Variants in FHL2 observed in about 807,000 individuals in gnomAD.
FHL2 encodes four and a half LIM domains protein 2.
FHL2 carries 20 observed loss-of-function variants against 32.7 expected under a neutral mutation model. The observed-to-expected ratio is 0.61, with a 90% CI of 0.43 to 0.89. The LOEUF (loss-of-function observed/expected upper bound fraction) is 0.89. Among genes scored for constraint, FHL2 ranks in the 40% least tolerant of loss-of-function variants. FHL2 has a pLI of 0.00. For missense variants in FHL2, 311 were observed against 358.6 expected (o/e 0.87, Z 1.07); for synonymous variants, 123 against 128.1 (o/e 0.96, Z 0.27).
intron 3 of FHL2, among the ~76,000 whole-genome samples, chr2:105,383,597 C>T (rs1010209570): frequency 5.9e-5 from 9 of 152,146 alleles, no homozygotes; most frequent in Admixed American, 4.6e-4. Flanking sequence ...TGAACATGTC[C>T]TTTAGAGGGA....
chr2:105,365,506 C>T (rs1466544354), intron 5 of FHL2, among the ~76,000 whole-genome samples: 1 of 151,972 alleles, frequency 6.6e-6, no homozygotes, highest in Non-Finnish European at 1.5e-5. Flanking sequence ...GATGAACTTC[C>T]GTTAGGTCTT....
At chr2:105,389,546 G>T (rs1176176805) in intron 2 of FHL2, among the ~76,000 whole-genome samples, 8 of 152,196 alleles carry the variant, frequency 5.3e-5, no homozygotes, top group Non-Finnish European at 7.3e-5. Context: ...ACTATAAATT[G>T]CGGAATTGTA....
At chr2:105,399,875 A>G (rs1022124722), upstream of FHL2, among the ~76,000 whole-genome samples, 5 of 152,186 alleles carry the variant, frequency 3.3e-5, no homozygotes, top group Non-Finnish European at 7.4e-5. Context: ...GAGTAGGTGG[A>G]CCACAAAGGC....
At chr2:105,406,454 T>C (rs1192413362) in intron 1 of FHL2, among the ~76,000 whole-genome samples, 1 of 79,088 alleles carries the variant, frequency 1.3e-5, no homozygotes, top group Non-Finnish European at 2.6e-5. Context: ...CTTTTTCTTA[T>C]CTTTTTTTTT....
intron 2 of FHL2, among the ~76,000 whole-genome samples, chr2:105,386,756 CTTTTTTTTTTTTT>C (rs11380471): frequency 2.0e-5 from 1 of 48,924 alleles, no homozygotes; most frequent in Non-Finnish European, 3.6e-5. Flanking sequence ...ATGCATTCCA[CTTTTTTTTTTTTT>C]TTTTTTTTTT....
chr2:105,372,584 T>C (rs1449949863), intron 4 of FHL2, among the ~76,000 whole-genome samples: 1 of 152,070 alleles, frequency 6.6e-6, no homozygotes, highest in Non-Finnish European at 1.5e-5. Flanking sequence ...TTCTTTATTA[T>C]CAAAAACAAA....
chr2:105,427,109 C>A (rs922155575), intron 1 of FHL2, among the ~76,000 whole-genome samples: 1 of 152,100 alleles, frequency 6.6e-6, no homozygotes, highest in Non-Finnish European at 1.5e-5. Flanking sequence ...AAAAAGAAAA[C>A]CTGCAAAGAT....
chr2:105,373,900 A>G (rs1404878309), intron 3 of FHL2, among the ~76,000 whole-genome samples, 167 bp from the exon 4 acceptor site: 2 of 152,250 alleles, frequency 1.3e-5, no homozygotes, highest in Non-Finnish European at 2.9e-5. Flanking sequence ...GCTGAAATCA[A>G]TTAAGACTAG....
intron 1 of FHL2, among the ~76,000 whole-genome samples, chr2:105,408,717 G>A (rs191167505): frequency 1.8e-4 from 27 of 152,254 alleles, no homozygotes; most frequent in East Asian, 1.5e-3. Flanking sequence ...GCAATCTTTC[G>A]TCATCACTAC....
chr2:105,423,862 T>C (rs1268073350), intron 1 of FHL2, among the ~76,000 whole-genome samples: 1 of 152,154 alleles, frequency 6.6e-6, no homozygotes, highest in African/African-American at 2.4e-5. Context: ...TTACACCTTG[T>C]ACAAAAATTG....
At chr2:105,358,717 G>C (rs1209036487), downstream of FHL2, 1 of 152,230 alleles carries the variant, frequency 6.6e-6, no homozygotes, top group African/African-American at 2.4e-5. Context: ...TCCTTCAGTA[G>C]GAAGAGGGTC....
In FHL2 at chr2:105,423,459, C is replaced by T. The variant is rs561119551; in HGVS notation, c.-25+14940G>A. Among the ~76,000 whole-genome samples, 11 of 152,322 alleles carry T rather than the reference C, an allele frequency of 7.2e-5. No homozygotes were observed. In the East Asian group the frequency reaches 1.5e-3, roughly 21 times the overall value. On this transcript the variant is annotated intron_variant, in intron 1 of 5. Coordinates refer to the FHL2 transcript ENST00000393352. ...AATATCAGGGGACATATTTATACTT[C>T]TAACAGTATTTTTAGCTATTTGATA...
At chr2:105,424,026 G>C (rs1365416780) in intron 1 of FHL2, among the ~76,000 whole-genome samples, 1 of 152,146 alleles carries the variant, frequency 6.6e-6, no homozygotes, top group Non-Finnish European at 1.5e-5. Context: ...ATAGACAAAT[G>C]GGATCTAATT....
intron 3 of FHL2, 81 bp downstream of exon 3, chr2:105,386,280 T>C: frequency 6.6e-7 from 1 of 1,510,020 alleles, no homozygotes; most frequent in East Asian, 2.3e-5. Context: ...CAGTGGTGGA[T>C]CAGGGCTTCA....
At chr2:105,378,557 C>T (rs1446233837) in intron 3 of FHL2, 1 of 161,034 alleles carries the variant, frequency 6.2e-6, no homozygotes, top group Non-Finnish European at 1.4e-5. Context: ...CAGGTTTTGT[C>T]CTAAGAAACA....
At chr2:105,423,449 A>G (rs1020780225) in intron 1 of FHL2, among the ~76,000 whole-genome samples, 2 of 152,196 alleles carry the variant, frequency 1.3e-5, no homozygotes, top group African/African-American at 4.8e-5. Flanking sequence ...CAGGGGACAT[A>G]TTTATACTTC....
chr2:105,364,023 G>C (rs940163509), intron 5 of FHL2, among the ~76,000 whole-genome samples: 1 of 152,148 alleles, frequency 6.6e-6, no homozygotes, highest in East Asian at 1.9e-4. Context: ...TTGGGAGGCC[G>C]AGGCAGGTGG....
At chr2:105,421,528 T>C (rs1372785669) in intron 1 of FHL2, among the ~76,000 whole-genome samples, 2 of 152,248 alleles carry the variant, frequency 1.3e-5, no homozygotes, top group East Asian at 3.8e-4. Context: ...ATCAATTTTC[T>C]GCCCATTTTT....
chr2:105,361,956 G>A (rs949328874), intron 6 of FHL2, among the ~76,000 whole-genome samples: 2 of 152,198 alleles, frequency 1.3e-5, no homozygotes, highest in African/African-American at 4.8e-5. Flanking sequence ...GAAAGCTGCA[G>A]ACAGATAGAA....
Sources: gnomAD v4.1 joint callset for allele counts (sites outside exome capture counted in the v4.1 genomes callset) on GRCh38, gnomAD v4.1.1 for gene constraint, MANE v1.5 for transcripts, NCBI Gene and HGNC (gene_info 2026-07-23, HGNC 2026-07-21) for gene names.